Variants in ADARB1 observed in about 807,000 individuals in gnomAD.
The protein encoded by ADARB1 is adenosine deaminase RNA specific B1.
ADARB1 carries 10 observed loss-of-function variants against 52.4 expected under a neutral mutation model. The ratio of observed to expected loss-of-function variants is 0.19; its 90% CI spans 0.12 to 0.32. The LOEUF (loss-of-function observed/expected upper bound fraction) is 0.32, where lower values mean the gene tolerates loss of function less well. Among genes scored for constraint, ADARB1 ranks in the 10% least tolerant of loss-of-function variants. The pLI, the probability that ADARB1 is intolerant of heterozygous loss-of-function variation, is 1.00. For synonymous variants in ADARB1, 349 were observed against 371.1 expected, an observed-to-expected ratio of 0.94 and a Z score of 0.68; for missense variants, 643 against 922.3, an observed-to-expected ratio of 0.70 and a Z score of 3.92.
At chr21:45,161,327 G>A (rs2090952872) in intron 2 of ADARB1, among the ~76,000 whole-genome samples, 1 of 152,224 alleles carries the variant, frequency 6.6e-6, no homozygotes. Context: ...CAGGGCCCAG[G>A]AAGCCCCCCT....
intron 2 of ADARB1, among the ~76,000 whole-genome samples, chr21:45,162,034 G>A (rs2090998863): frequency 6.6e-6 from 1 of 152,180 alleles, no homozygotes; most frequent in African/African-American, 2.4e-5. Context: ...CTGCTGAATG[G>A]CAGGTCTGAA....
At chr21:45,191,866 ATATATATATATATATTTTT>A (rs2092294959) in intron 8 of ADARB1, among the ~76,000 whole-genome samples, 3 of 13,710 alleles carry the variant, frequency 2.2e-4, no homozygotes, top group African/African-American at 6.3e-4. Flanking sequence ...ATATATATAT[ATATATATATATATATTTTT>A]TTTTTTTTTT....
intron 8 of ADARB1, among the ~76,000 whole-genome samples, chr21:45,186,373 G>A (rs2092106328): frequency 6.6e-6 from 1 of 152,132 alleles, no homozygotes; most frequent in African/African-American, 2.4e-5. Context: ...ATGTAGTCCT[G>A]TATATCCTTC....
intron 1 of ADARB1, among the ~76,000 whole-genome samples, chr21:45,078,906 A>G (rs1395561076): frequency 6.6e-6 from 1 of 152,158 alleles, no homozygotes; most frequent in African/African-American, 2.4e-5. Context: ...CATTATTATC[A>G]TTATTCCCAT....
In ADARB1 at chr21:45,097,606, T is replaced by C. The variant is rs571055891; in HGVS notation, c.-220+22813T>C. On this transcript the variant is annotated intron_variant, in intron 1 of 10. Coordinates refer to ENST00000348831, the MANE Select transcript of ADARB1 (RefSeq NM_001112.4). Reference sequence around the variant, plus strand: ...ATGGCTGGTGGGGACTTCAGACACATGTGCAAGGTTCTGAGGATGCCTGGG... The same window carrying C: ...ATGGCTGGTGGGGACTTCAGACACACGTGCAAGGTTCTGAGGATGCCTGGG... 3.6e-3 allele frequency among the ~76,000 whole-genome samples: 478 copies of C among 132,888 alleles called. 4 individuals carry two copies. The highest frequency in any genetic ancestry group is 0.017 in the Middle Eastern group (4 of 242). The allele number at this position is 132,888 out of a possible 152,430, so 87.2% of individuals were successfully genotyped here.
intron 1 of ADARB1, among the ~76,000 whole-genome samples, chr21:45,083,041 T>C (rs1294658822): frequency 6.6e-6 from 1 of 152,168 alleles, no homozygotes; most frequent in East Asian, 1.9e-4. Flanking sequence ...CTGCTCACTG[T>C]TCTGTTTATT....
intron 1 of ADARB1, among the ~76,000 whole-genome samples, chr21:45,077,501 T>TA (rs917688010): frequency 2.6e-5 from 4 of 151,784 alleles, no homozygotes; most frequent in African/African-American, 7.3e-5. Flanking sequence ...CCGTCTCTAC[T>TA]AAAAAAATAT....
intron 8 of ADARB1, among the ~76,000 whole-genome samples, chr21:45,197,874 G>A (rs1386708207): frequency 6.6e-6 from 1 of 152,210 alleles, no homozygotes; most frequent in African/African-American, 2.4e-5. Context: ...AGACTAAGCT[G>A]CAGTGGCAGA....
chr21:45,196,509 A>G (rs2092429494), intron 8 of ADARB1, among the ~76,000 whole-genome samples: 1 of 152,238 alleles, frequency 6.6e-6, no homozygotes, highest in Non-Finnish European at 1.5e-5. Context: ...AAAGTTTAAA[A>G]ATTACTTCTT....
In ADARB1 at chr21:45,220,217, T is replaced by G. The variant is rs373295295; in HGVS notation, c.1748-619T>G. On this transcript the variant is annotated intron_variant, in intron 9 of 10. Coordinates refer to ENST00000348831, the MANE Select transcript of ADARB1 (RefSeq NM_001112.4). The surrounding 1 kb of genome is among the most constrained non-coding windows in gnomAD (Gnocchi z 6.3). ...ACAAGTTTATTTTGGTGCCAAAAAA[T>G]TTTGAAATCCATGAGGTTTTTTCAT... Among the ~76,000 whole-genome samples the G allele has an allele frequency of 5.3e-5, 8 of 152,138 alleles. No individual in the cohort carries two copies. In the East Asian group the frequency reaches 9.6e-4, roughly 18 times the overall value.
chr21:45,181,259 CT>C (rs1023484641), intron 5 of ADARB1, among the ~76,000 whole-genome samples: 1 of 152,206 alleles, frequency 6.6e-6, no homozygotes, highest in Non-Finnish European at 1.5e-5. Flanking sequence ...TTCTTTCCCC[CT>C]GAGGGGTCAC....
chr21:45,141,336 T>C (rs144472291), intron 2 of ADARB1, among the ~76,000 whole-genome samples: 1,911 of 152,330 alleles, frequency 0.013, 44 homozygotes, highest in African/African-American at 0.042. Flanking sequence ...GATCTAAATA[T>C]GTAGTAGTGG....
At chr21:45,129,312 G>C (rs543320881) in intron 2 of ADARB1, among the ~76,000 whole-genome samples, 3 of 152,262 alleles carry the variant, frequency 2.0e-5, no homozygotes, top group Admixed American at 6.5e-5. Flanking sequence ...GAGAAGTTGT[G>C]ACAAATACTA....
intron 1 of ADARB1, among the ~76,000 whole-genome samples, chr21:45,103,098 A>C (rs115135727): frequency 6.6e-6 from 1 of 152,222 alleles, no homozygotes; most frequent in Non-Finnish European, 1.5e-5. Flanking sequence ...TCAACAGTCA[A>C]AAACCAAGAA....
chr21:45,100,278 A>G (rs2086942375), intron 1 of ADARB1, among the ~76,000 whole-genome samples: 1 of 152,198 alleles, frequency 6.6e-6, no homozygotes, highest in African/African-American at 2.4e-5. Flanking sequence ...GTGAGAGTGG[A>G]GTAGACAGGC....
At chr21:45,078,519 A>T (rs895172001) in intron 1 of ADARB1, among the ~76,000 whole-genome samples, 2 of 152,208 alleles carry the variant, frequency 1.3e-5, no homozygotes, top group Non-Finnish European at 2.9e-5. Context: ...GTGAGGATGG[A>T]GTGAGCTGGG....
At chr21:45,085,849 T>C (rs1306580998) in intron 1 of ADARB1, among the ~76,000 whole-genome samples, 1 of 152,220 alleles carries the variant, frequency 6.6e-6, no homozygotes, top group African/African-American at 2.4e-5. Flanking sequence ...AAGGACGTCA[T>C]TGAGCATGTG....
At chr21:45,101,669 T>C (rs1330359014) in intron 1 of ADARB1, among the ~76,000 whole-genome samples, 1 of 152,230 alleles carries the variant, frequency 6.6e-6, no homozygotes, top group Non-Finnish European at 1.5e-5. Flanking sequence ...AGAGCTTTAA[T>C]ATTTCTTTCC....
intron 1 of ADARB1, among the ~76,000 whole-genome samples, chr21:45,076,008 C>T (rs945596770): frequency 6.6e-6 from 1 of 151,960 alleles, no homozygotes; most frequent in African/African-American, 2.4e-5. Context: ...TAAATTTTGC[C>T]GTATGTTTTA....
Sources: gnomAD v4.1 joint callset for allele counts (sites outside exome capture counted in the v4.1 genomes callset) on GRCh38, gnomAD v4.1.1 for gene constraint, Gnocchi (gnomAD v3.1) non-coding constraint, MANE v1.5 for transcripts, NCBI Gene and HGNC (gene_info 2026-07-23, HGNC 2026-07-21) for gene names.